The following TRAPPC9 variants were observed in gnomAD, a reference collection of about 807,000 sequenced individuals.
TRAPPC9 encodes the protein trafficking protein particle complex subunit 9, also known as IKK2 binding protein.
Under a neutral mutation model 124.0 loss-of-function variants are expected in TRAPPC9, and 83 were observed. The observed-to-expected ratio is 0.67, with a 90% CI of 0.56 to 0.80. TRAPPC9 has a LOEUF of 0.80. Ranked by LOEUF, TRAPPC9 falls within the 30% of genes least tolerant of loss-of-function variation. The pLI, the probability that TRAPPC9 is intolerant of heterozygous loss-of-function variation, is 0.00. For synonymous variants in TRAPPC9, 638 were observed against 617.5 expected, an observed-to-expected ratio of 1.03 and a Z score of -0.49; for missense variants, 1,302 against 1,508.3, an observed-to-expected ratio of 0.86 and a Z score of 2.27.
chr8:140,295,057 C>T (rs2131790369), intron 11 of TRAPPC9, among the ~76,000 whole-genome samples: 1 of 152,322 alleles, frequency 6.6e-6, no homozygotes, highest in South Asian at 2.1e-4. Flanking sequence ...CCCCTCATCT[C>T]AGGCCCTGCC....
chr8:140,243,440 A>T (rs1041527896), intron 16 of TRAPPC9, among the ~76,000 whole-genome samples: 4 of 152,324 alleles, frequency 2.6e-5, no homozygotes, highest in Non-Finnish European at 4.4e-5. Context: ...GAAAAGCCTT[A>T]AAAAAAGTGG....
At chr8:140,249,741 C>T (rs1272717407) in intron 16 of TRAPPC9, among the ~76,000 whole-genome samples, 3 of 151,616 alleles carry the variant, frequency 2.0e-5, no homozygotes, top group Non-Finnish European at 2.9e-5. Flanking sequence ...GTAGCTGGGA[C>T]TACAGGCACC....
intron 9 of TRAPPC9, among the ~76,000 whole-genome samples, chr8:140,350,013 A>G (rs2067503454): frequency 6.6e-6 from 1 of 152,152 alleles, no homozygotes; most frequent in Admixed American, 6.5e-5. Context: ...TCCCTTTTCT[A>G]AAAACGTCTT....
At chr8:140,418,411 TCC>T in intron 5 of TRAPPC9, among the ~76,000 whole-genome samples, 1 of 152,108 alleles carries the variant, frequency 6.6e-6, no homozygotes, top group Non-Finnish European at 1.5e-5. Flanking sequence ...AAACTACAGA[TCC>T]ACATTTCTTA....
chr8:140,418,751 T>TAGAC (rs1243824026), intron 5 of TRAPPC9, among the ~76,000 whole-genome samples: 2 of 149,498 alleles, frequency 1.3e-5, no homozygotes, highest in African/African-American at 2.5e-5. Flanking sequence ...GATAGATAGA[T>TAGAC]AGATAGATAG....
intron 21 of TRAPPC9, among the ~76,000 whole-genome samples, chr8:139,817,254 G>T (rs1320189988): frequency 6.6e-6 from 1 of 152,212 alleles, no homozygotes; most frequent in African/African-American, 2.4e-5. Flanking sequence ...AGTGGACATG[G>T]CTGGGGATAG....
intron 9 of TRAPPC9, among the ~76,000 whole-genome samples, chr8:140,326,693 C>T (rs192512107): frequency 1.3e-4 from 19 of 151,920 alleles, no homozygotes; most frequent in Admixed American, 3.9e-4. Context: ...CTGAGCAACA[C>T]GAGACTTTGT....
intron 19 of TRAPPC9, among the ~76,000 whole-genome samples, chr8:139,950,767 C>CT (rs2131503854): frequency 6.6e-6 from 1 of 152,316 alleles, no homozygotes; most frequent in Non-Finnish European, 1.5e-5. Flanking sequence ...CATTCAGCAA[C>CT]TGACAATTCA....
chr8:139,988,697 G>A (rs781721164), intron 19 of TRAPPC9, 29 bp downstream of exon 19: 31 of 1,468,104 alleles, frequency 2.1e-5, no homozygotes, highest in South Asian at 2.4e-5. Flanking sequence ...GGTGGCCTGC[G>A]GCGGCGCGAG....
intron 21 of TRAPPC9, among the ~76,000 whole-genome samples, chr8:139,804,323 C>T (rs1190266254): frequency 2.8e-5 from 4 of 142,632 alleles, no homozygotes; most frequent in Admixed American, 6.9e-5. Flanking sequence ...CACCCACCAC[C>T]GCCACCAAGC....
intron 17 of TRAPPC9, among the ~76,000 whole-genome samples, chr8:140,215,189 T>G (rs970889492): frequency 6.6e-6 from 1 of 152,102 alleles, no homozygotes; most frequent in Non-Finnish European, 1.5e-5. Flanking sequence ...TACTGATGGA[T>G]CTCAGGCAAA....
At chr8:139,821,405 T>C (rs1199558106) in intron 21 of TRAPPC9, among the ~76,000 whole-genome samples, 1 of 152,130 alleles carries the variant, frequency 6.6e-6, no homozygotes, top group South Asian at 2.1e-4. Flanking sequence ...ACTTGGAGAG[T>C]ATGCTGTGGC....
chr8:140,254,732 C>T (rs576186217), intron 15 of TRAPPC9, among the ~76,000 whole-genome samples: 7 of 152,306 alleles, frequency 4.6e-5, no homozygotes, highest in African/African-American at 1.4e-4. Context: ...TTATGCTGAA[C>T]GTCTTCGGTC....
chr8:139,837,128 G>A (rs1206301169), intron 21 of TRAPPC9, among the ~76,000 whole-genome samples: 3 of 152,130 alleles, frequency 2.0e-5, no homozygotes, highest in Non-Finnish European at 2.9e-5. Flanking sequence ...AGAAACCCTC[G>A]GTAAACTTCA....
chr8:139,853,457 G>A (rs549537404), intron 21 of TRAPPC9, among the ~76,000 whole-genome samples: 14 of 152,346 alleles, frequency 9.2e-5, no homozygotes, highest in African/African-American at 3.1e-4. Flanking sequence ...AAGGGACTGG[G>A]AAGAAAGGGA....
At chr8:140,287,346 A>G (rs1032198117) in intron 13 of TRAPPC9, among the ~76,000 whole-genome samples, 5 of 152,076 alleles carry the variant, frequency 3.3e-5, no homozygotes, top group South Asian at 2.1e-4. Flanking sequence ...GGCTCACTGG[A>G]GGAAGACAGC....
chr8:140,005,559 G>A (rs1472795224), intron 18 of TRAPPC9, among the ~76,000 whole-genome samples: 1 of 152,150 alleles, frequency 6.6e-6, no homozygotes, highest in Non-Finnish European at 1.5e-5. Flanking sequence ...GTTTGCAAAG[G>A]TCTCAAGCTC....
At chr8:140,049,933 A>G (rs1351185825) in intron 17 of TRAPPC9, among the ~76,000 whole-genome samples, 1 of 152,228 alleles carries the variant, frequency 6.6e-6, no homozygotes, top group Non-Finnish European at 1.5e-5. Context: ...CTGGATGGCC[A>G]TTGAGCAGAT....
At chr8:140,108,294 A>AG (rs1053267070) in intron 17 of TRAPPC9, among the ~76,000 whole-genome samples, 3 of 152,222 alleles carry the variant, frequency 2.0e-5, no homozygotes, top group African/African-American at 7.2e-5. Context: ...CACAGCCACT[A>AG]GGGGCACAGC....
Sources: gnomAD v4.1 joint callset for allele counts (sites outside exome capture counted in the v4.1 genomes callset) on GRCh38, gnomAD v4.1.1 for gene constraint, MANE v1.5 for transcripts, NCBI Gene and HGNC (gene_info 2026-07-23, HGNC 2026-07-21) for gene names.